Variants in PKNOX1 observed in about 807,000 individuals in gnomAD.
The protein encoded by PKNOX1 is homeobox protein PKNOX1.
Under a neutral mutation model 51.9 loss-of-function variants are expected in PKNOX1, and 15 were observed. The observed-to-expected ratio is 0.29, with a 90% CI of 0.19 to 0.45. The LOEUF is 0.45. PKNOX1 is among the 20% of genes least tolerant of loss of function. The pLI is 1.00. For synonymous variants in PKNOX1, 219 were observed against 211.1 expected, an observed-to-expected ratio of 1.04 and a Z score of -0.32; for missense variants, 462 against 547.5, an observed-to-expected ratio of 0.84 and a Z score of 1.56.
intron 1 of PKNOX1, among the ~76,000 whole-genome samples, chr21:42,987,404 A>AAAAAAAATATAT: frequency 2.4e-4 from 10 of 41,414 alleles, no homozygotes; most frequent in African/African-American, 9.3e-4. Context: ...AAAAAAAAAA[A>AAAAAAAATATAT]ATATATATAT....
intron 1 of PKNOX1, among the ~76,000 whole-genome samples, chr21:42,985,659 T>C (rs779920510): frequency 3.3e-5 from 5 of 151,802 alleles, no homozygotes; most frequent in Non-Finnish European, 7.4e-5. Context: ...TTGATGCGAA[T>C]TTAAATTTAC....
chr21:42,980,781 A>G (rs902183041), intron 1 of PKNOX1, among the ~76,000 whole-genome samples: 1 of 152,192 alleles, frequency 6.6e-6, no homozygotes, highest in Non-Finnish European at 1.5e-5. Flanking sequence ...GTGACACTCT[A>G]ATGCTTTGGA....
At chr21:42,975,963 C>T (rs1314273224) in intron 1 of PKNOX1, among the ~76,000 whole-genome samples, 1 of 152,162 alleles carries the variant, frequency 6.6e-6, no homozygotes, top group Non-Finnish European at 1.5e-5. Context: ...TGAACCTCTG[C>T]CAGTATAGTT....
In PKNOX1 at chr21:42,986,019, TAAA is replaced by T. The variant is rs915893947; in HGVS notation, c.-57+11363_-57+11365del. Among the ~76,000 whole-genome samples the T allele has an allele frequency of 4.6e-5, 6 of 131,426 alleles. No individual in the cohort carries two copies. In the East Asian group the frequency reaches 1.2e-3, roughly 26 times the overall value. 86.2% of individuals were successfully genotyped at this position (131,426 alleles called of 152,430 possible). ...CTGTCTCAGAAAAAAAAAAAAAAAT[TAAA>T]AAAAAAATTGCAAAACCATTAAAAT... On this transcript the variant is annotated intron_variant, in intron 1 of 10. Coordinates refer to ENST00000291547, the MANE Select transcript of PKNOX1 (RefSeq NM_004571.5).
intron 2 of PKNOX1, among the ~76,000 whole-genome samples, chr21:43,006,773 G>A (rs1213145812): frequency 2.0e-5 from 3 of 152,216 alleles, no homozygotes; most frequent in East Asian, 1.9e-4. Context: ...CAAATCCACC[G>A]CGGGAGAAAT....
intron 1 of PKNOX1, among the ~76,000 whole-genome samples, chr21:42,998,331 C>G (rs1031387081): frequency 3.3e-5 from 5 of 152,148 alleles, no homozygotes; most frequent in Non-Finnish European, 5.9e-5. Flanking sequence ...CCCACCAGCT[C>G]CCTCCCATAA....
At chr21:43,020,327 TCTGCGCAGTGCGCAGTGG>T (rs1474473204) in intron 7 of PKNOX1, 2 of 152,490 alleles carry the variant, frequency 1.3e-5, no homozygotes, top group African/African-American at 4.8e-5. Context: ...CCTTCCCTGG[TCTGCGCAGTGCGCAGTGG>T]CAGCATCATC....
At chr21:43,007,735 T>G (rs1601289912) in intron 3 of PKNOX1, 117 bp downstream of exon 3, 2 of 1,138,242 alleles carry the variant, frequency 1.8e-6, no homozygotes. Flanking sequence ...CATTATGATG[T>G]GATAACTGCT....
At chr21:43,009,426 C>G (rs1979142677) in intron 3 of PKNOX1, among the ~76,000 whole-genome samples, 1 of 151,434 alleles carries the variant, frequency 6.6e-6, no homozygotes, top group South Asian at 2.1e-4. Flanking sequence ...GCCTGGGCAA[C>G]AAGAGCGAAA....
At chr21:43,008,233 G>A (rs2146267102) in intron 3 of PKNOX1, among the ~76,000 whole-genome samples, 1 of 152,220 alleles carries the variant, frequency 6.6e-6, no homozygotes, top group South Asian at 2.1e-4. Context: ...GAAGAGAGCA[G>A]CAAGTCTGCA....
At chr21:43,029,800 G>T in intron 10 of PKNOX1, 90 bp from the exon 11 acceptor site, 5 of 1,100,792 alleles carry the variant, frequency 4.5e-6, no homozygotes, top group Non-Finnish European at 6.8e-6. Context: ...TTAACTTTAG[G>T]TCAAACGAGC....
chr21:43,007,085 T>C lies in PKNOX1; in HGVS notation c.52-406T>C, dbSNP rs369809862. Among the ~76,000 whole-genome samples, 8 of 152,318 alleles carry C rather than the reference T, an allele frequency of 5.3e-5. No homozygotes were observed. The South Asian group carries it at 6.2e-4, about 12-fold the overall frequency. The stretch of plus-strand genomic sequence containing the variant: ...GAGAAGTTCAACCTTGTCCCAAATA[T>C]GTAGCGTATGGGTTAGGTTGTGTCT... On this transcript the variant is annotated intron_variant, in intron 2 of 10. Transcript: ENST00000291547.
chr21:43,028,669 G>GT, intron 9 of PKNOX1, 33 bp from the exon 10 acceptor site: 1 of 1,607,780 alleles, frequency 6.2e-7, no homozygotes, highest in Non-Finnish European at 8.5e-7. Flanking sequence ...TACGAAGGCT[G>GT]TTTTCATGGA....
intron 8 of PKNOX1, chr21:43,024,642 G>A (rs568076977): frequency 1.0e-4 from 51 of 496,328 alleles, no homozygotes; most frequent in Admixed American, 9.9e-4. Flanking sequence ...GTTAAACGTG[G>A]GGGGCGGTCT....
intron 10 of PKNOX1, 69 bp downstream of exon 10, chr21:43,028,943 T>C: frequency 6.8e-7 from 1 of 1,465,718 alleles, no homozygotes; most frequent in South Asian, 1.1e-5. Flanking sequence ...GAGGCCTGGA[T>C]CAGGCCTGTT....
intron 7 of PKNOX1, 78 bp downstream of exon 7, chr21:43,018,308 C>A: frequency 2.3e-6 from 2 of 851,566 alleles, no homozygotes; most frequent in Non-Finnish European, 4.0e-6. Context: ...AGCATGAGCC[C>A]TTCCCTCTGC....
chr21:43,019,409 C>CCAAAAA (rs1568902667), intron 7 of PKNOX1, among the ~76,000 whole-genome samples: 6 of 146,394 alleles, frequency 4.1e-5, no homozygotes, highest in Admixed American at 4.0e-4. Context: ...ATAAAATAAA[C>CCAAAAA]AAAAAAAAAA....
chr21:43,030,336 GTT>G lies in PKNOX1; in HGVS notation c.*237_*238del. 2.8e-6 allele frequency: 1 copy of G among 360,418 alleles called. No individual in the cohort carries two copies. The highest frequency in any genetic ancestry group is 5.0e-6 in the Non-Finnish European group (1 of 200,346). The allele number at this position is 360,418 out of a possible 1,614,324, so 22.3% of individuals were successfully genotyped here. A position where few individuals can be genotyped will look rare whatever the true frequency, so the allele number is the denominator to read the frequency against. ...GGATTTTTAAAGAAATTCTTTAAAG[GTT>G]TAACGCTAGATTGTGAGGAATGACA... On this transcript the variant is annotated 3_prime_UTR_variant, in exon 11 of 11. Transcript: ENST00000291547.
At chr21:43,019,732 G>A (rs1439052024) in intron 7 of PKNOX1, among the ~76,000 whole-genome samples, 1 of 151,960 alleles carries the variant, frequency 6.6e-6, no homozygotes, top group Non-Finnish European at 1.5e-5. Flanking sequence ...TAGTAGAAAT[G>A]GGTTTCACCA....
Sources: allele counts gnomAD v4.1 joint callset (sites outside exome capture counted in the v4.1 genomes callset), GRCh38; gene constraint gnomAD v4.1.1; transcripts MANE v1.5; gene names NCBI Gene and HGNC (gene_info 2026-07-23, HGNC 2026-07-21).